ALPK3: variants seen among roughly 807,000 people sequenced by gnomAD.
The protein encoded by ALPK3 is alpha kinase 3, also known as alpha-protein kinase 3.
In ALPK3, 102 loss-of-function variants were observed where a neutral mutation model predicts 140.0. The ratio of observed to expected loss-of-function variants is 0.73; its 90% confidence interval spans 0.62 to 0.86. The LOEUF is 0.86. Among genes scored for constraint, ALPK3 ranks in the 40% least tolerant of loss-of-function variants. The pLI, the probability that ALPK3 is intolerant of heterozygous loss-of-function variation, is 0.00. For synonymous variants in ALPK3, 938 were observed against 898.5 expected (o/e 1.04, Z -0.79); for missense variants, 2,254 against 2,208.2 (o/e 1.02, Z -0.42).
rs1963445069 is a variant in ALPK3 at position 84,823,025 on chromosome 15, T to TG, written c.144-300dup. Among the ~76,000 whole-genome samples, 6 of 152,350 alleles carry TG rather than the reference T, an allele frequency of 3.9e-5. No homozygotes were observed. In the Middle Eastern group the frequency reaches 0.017, roughly 432 times the overall value. Reference sequence around the variant, plus strand: ...GCCAGGCAGCTGTAAGCCTCCCTCTTGGGGGCAGTGACCCAAATGCCTGGG... The same window carrying TG: ...GCCAGGCAGCTGTAAGCCTCCCTCTTGGGGGGCAGTGACCCAAATGCCTGGG... On this transcript the variant is annotated intron_variant, in intron 1 of 13. Transcript: ENST00000258888.
At chr15:84,848,469 A>G (rs1040185120) in intron 5 of ALPK3, among the ~76,000 whole-genome samples, 6 of 152,198 alleles carry the variant, frequency 3.9e-5, no homozygotes, top group Non-Finnish European at 8.8e-5. Context: ...ACAAAGAGAT[A>G]TAGTAAAAAT....
In ALPK3 at chr15:84,862,818, C is replaced by G. The variant is rs775335205; in HGVS notation, c.4313C>G (p.Ser1438Trp). 5.0e-6 allele frequency: 8 copies of G among 1,614,036 alleles called. No individual in the cohort carries two copies. The African/African-American group carries it at 9.3e-5, about 19-fold the overall frequency. The change falls in exon 10 of 14, where the codon TCG (serine) becomes TGG (tryptophan). Residue 1438 changes from serine (S) to tryptophan (W), a missense_variant. By Grantham distance (177) the Ser-to-Trp change is radical (BLOSUM62 -3). Coordinates refer to ENST00000258888, the MANE Select transcript of ALPK3 (RefSeq NM_020778.5). ...TACGGGCTGGAACCCATCTTCGAGTCGGGCCGCACGTGCATCATCAAGGTG... is the reference window on the plus strand; with the variant it reads ...TACGGGCTGGAACCCATCTTCGAGTGGGGCCGCACGTGCATCATCAAGGTG... ...VIYGLEPIFE[S>W]GRTCIIKVSS...
At position 84,862,823 on chromosome 15, in the gene ALPK3, C is replaced by T. The variant is rs200672174; in HGVS notation, c.4318C>T (p.Arg1440Cys). 2.7e-5 allele frequency: 44 copies of T among 1,614,144 alleles called. 1 individual carries two copies. In the Middle Eastern group the frequency reaches 4.9e-4, roughly 18 times the overall value. The change falls in exon 10 of 14, where the codon CGC (arginine) becomes TGC (cysteine). Residue 1440 changes from arginine to cysteine, a missense_variant. Arg to Cys is a radical substitution (Grantham distance 180, BLOSUM62 -3). Around this residue, in one of 3 missense-constraint regions of ALPK3, gnomAD observed 2,088 missense variants for 2,022.9 expected, o/e 1.03. Transcript: ENST00000258888. ...YGLEPIFESG[R>C]TCIIKVSSLL... ...GCTGGAACCCATCTTCGAGTCGGGC[C>T]GCACGTGCATCATCAAGGTGTCCAG...
chr15:84,840,256 G>T lies in ALPK3; in HGVS notation c.977G>T (p.Gly326Val). 6.2e-7 allele frequency: 1 copy of T among 1,613,800 alleles called. No homozygotes were observed. ...AAGAAAGATGAGGAATCCAAGCAAG[G>T]CCTGCGGAAGCCAGAGTTAGAGAAG... Reference protein sequence around the residue: ...KKKKDEESKQGLRKPELEKAA... With the variant: ...KKKKDEESKQVLRKPELEKAA... The change falls in exon 5 of 14, where the codon GGC becomes GTC. Residue 326 changes from glycine to valine, a missense_variant. Gly to Val is a moderately radical substitution (Grantham distance 109). Transcript: ENST00000258888.
rs906235775 is a variant in ALPK3 at position 84,866,919 on chromosome 15, C to G, written c.4724-398C>G. ...TTGCATAGCTGGAAGAGTTTTGGCT[C>G]TAGGAATCCAAAAAAACGGAACCCT... On this transcript the variant is annotated intron_variant, in intron 12 of 13. Coordinates refer to ENST00000258888, the MANE Select transcript of ALPK3 (RefSeq NM_020778.5). Among the ~76,000 whole-genome samples the G allele has an allele frequency of 2.0e-5, 3 of 152,234 alleles. No individual in the cohort carries two copies. In the South Asian group the frequency reaches 6.2e-4, roughly 32 times the overall value.
intron 5 of ALPK3, among the ~76,000 whole-genome samples, chr15:84,843,524 T>C (rs1963690997): frequency 6.6e-6 from 1 of 152,100 alleles, no homozygotes; most frequent in African/African-American, 2.4e-5. Context: ...ACTCTGAAGG[T>C]TTGTACCCTA....
chr15:84,845,059 A>G (rs989502909), intron 5 of ALPK3, among the ~76,000 whole-genome samples: 4 of 152,244 alleles, frequency 2.6e-5, no homozygotes, highest in African/African-American at 7.2e-5. Flanking sequence ...GACAACTTTG[A>G]AAAGCAAATA....
chr15:84,840,754 C>G lies in ALPK3; in HGVS notation c.1475C>G (p.Ala492Gly). 6.2e-7 allele frequency: 1 copy of G among 1,614,168 alleles called. No homozygotes were observed. The highest frequency in any genetic ancestry group is 8.5e-7 in the Non-Finnish European group (1 of 1,179,998). ...GCCCCTCCAAAGCCCAAAGGAGAGG[C>G]CACCACTGACAGCAAGCCCATTTCT... Reference protein sequence around the residue: ...RFAPPKPKGEATTDSKPISSL... With the variant: ...RFAPPKPKGEGTTDSKPISSL... Residue 492 changes from alanine (A) to glycine (G), a missense_variant, in exon 5 of 14, where the codon GCC becomes GGC. Around this residue, in one of 3 missense-constraint regions of ALPK3, gnomAD observed 2,088 missense variants for 2,022.9 expected, o/e 1.03. Coordinates refer to ENST00000258888, the MANE Select transcript of ALPK3 (RefSeq NM_020778.5).
rs55721004 is a variant in ALPK3 at position 84,858,440 on chromosome 15, G to A, written c.3702G>A (p.Ala1234=). The change falls in exon 6 of 14, where the codon GCG becomes GCA. Residue 1234 remains alanine (A), a synonymous_variant. Coordinates refer to ENST00000258888, the MANE Select transcript of ALPK3 (RefSeq NM_020778.5). ...LEVPRAEEEL[A]AGDLGPSPKA... is the part of the protein sequence containing the mutation. ...TGCCTCGGGCAGAGGAGGAGCTGGC[G>A]GCAGGAGACCTGGGCCCCAGCCCCA... 4.9e-4 allele frequency: 760 copies of A among 1,565,312 alleles called. No individual in the cohort carries two copies. The highest frequency in any genetic ancestry group is 8.8e-4 in the East Asian group (38 of 43,082).
chr15:84,868,218 GC>G lies in ALPK3; in HGVS notation c.4883del (p.Pro1628ArgfsTer25). On this transcript the variant is annotated frameshift_variant, in exon 14 of 14. Transcript: ENST00000258888. LOFTEE classifies it high-confidence loss of function. The part of the protein sequence containing the change: ...CELLGLTPLK[G>X]PEAAHPQAKA... ...CTGCTGGGGCTGACACCTCTCAAGGGCCCGGAGGCGGCCCACCCCCAAGCCA... is the reference window on the plus strand; with the variant it reads ...CTGCTGGGGCTGACACCTCTCAAGGGCCGGAGGCGGCCCACCCCCAAGCCA... The G allele has an allele frequency of 6.2e-7, 1 of 1,614,190 alleles. No homozygotes were observed. The highest frequency in any genetic ancestry group is 8.5e-7 in the Non-Finnish European group (1 of 1,180,032).
Position 84,857,494 on chromosome 15 carries a change from C to T in ALPK3, c.2756C>T (p.Pro919Leu). The T allele has an allele frequency of 6.2e-7, 1 of 1,603,224 alleles. No homozygotes were observed. Among genetic ancestry groups the T allele is most frequent in the Non-Finnish European group, 8.5e-7 (1 of 1,173,696 alleles). The stretch of plus-strand genomic sequence containing the variant: ...ACACTGCACCTGGGGCTGGGGACCC[C>T]CACTCAGAGTCACCCACCAGAAACC... ...APTLHLGLGT[P>L]TQSHPPETMA... Residue 919 changes from proline (P) to leucine (L), a missense_variant, in exon 6 of 14, where the codon CCC becomes CTC. By Grantham distance (98) the Pro-to-Leu change is moderately conservative. This residue lies in a region of ALPK3 where 2,088 missense variants were observed against 2,022.9 expected (regional missense o/e 1.03). Transcript: ENST00000258888.
intron 12 of ALPK3, 118 bp downstream of exon 12, chr15:84,864,783 T>C: frequency 1.8e-6 from 2 of 1,140,270 alleles, no homozygotes; most frequent in South Asian, 1.6e-5. Flanking sequence ...TTATTCTTTT[T>C]TGCTTTTCAC....
chr15:84,848,181 A>G (rs1224131583), intron 5 of ALPK3, among the ~76,000 whole-genome samples: 2 of 152,158 alleles, frequency 1.3e-5, no homozygotes, highest in Non-Finnish European at 2.9e-5. Context: ...GAAATGGTAA[A>G]TATCCTGGTA....
intron 9 of ALPK3, among the ~76,000 whole-genome samples, chr15:84,860,570 C>T (rs1963931788): frequency 6.6e-6 from 1 of 152,168 alleles, no homozygotes; most frequent in African/African-American, 2.4e-5. Context: ...TTGAAGGGCT[C>T]AAATAGGGAT....
chr15:84,840,437 C>T lies in ALPK3; in HGVS notation c.1158C>T (p.Thr386=), dbSNP rs546889222. The T allele has an allele frequency of 1.9e-6, 3 of 1,613,762 alleles. No homozygotes were observed. The highest frequency in any genetic ancestry group is 2.7e-5 in the African/African-American group (2 of 75,050). ...CTGGGTCCTCTGGCACAGATAGTAC[C>T]AGGAAGCCAGCCTCTGCTGTGGGCA... is the stretch of plus-strand genomic sequence containing the variant. ...RGPGSSGTDS[T]RKPASAVGTP... Residue 386 remains threonine, a synonymous_variant, in exon 5 of 14, where the codon ACC becomes ACT. Transcript: ENST00000258888.
intron 3 of ALPK3, among the ~76,000 whole-genome samples, chr15:84,837,681 G>A (rs1963610702): frequency 6.6e-6 from 1 of 152,206 alleles, no homozygotes; most frequent in Admixed American, 6.5e-5. Context: ...TAAGTCCAGA[G>A]GGGCTTCTTA....
intron 5 of ALPK3, among the ~76,000 whole-genome samples, chr15:84,848,931 C>T (rs753017540): frequency 2.6e-5 from 4 of 152,138 alleles, no homozygotes; most frequent in Admixed American, 1.3e-4. Context: ...CACCTGAGGT[C>T]GGGAGTTCGA....
chr15:84,870,918 C>T lies in ALPK3; in HGVS notation c.*2462C>T, dbSNP rs890549867. The T allele has an allele frequency of 1.3e-5, 2 of 152,202 alleles. No individual in the cohort carries two copies. Among genetic ancestry groups the T allele is most frequent in the African/African-American group, 4.8e-5 (2 of 41,420 alleles). The allele number at this position is 152,202 out of a possible 1,614,324, so 9.4% of individuals were successfully genotyped here. ...CGTATGACGACTCTCCCACAGGTAA[C>T]CAAAACCACATTTCTCTCTGCTTAG... On this transcript the variant is annotated 3_prime_UTR_variant, in exon 14 of 14. Coordinates refer to ENST00000258888, the MANE Select transcript of ALPK3 (RefSeq NM_020778.5).
chr15:84,857,151 C>T lies in ALPK3; in HGVS notation c.2413C>T (p.Pro805Ser), dbSNP rs1385664383. ...SGNLMLPAQP[P>S]HEGSVEQVGG... ...GAACCTCATGCTCCCAGCACAGCCG[C>T]CCCATGAGGGGAGTGTGGAGCAGGT... The change falls in exon 6 of 14, where the codon CCC (proline) becomes TCC (serine). Residue 805 changes from proline to serine, a missense_variant. Transcript: ENST00000258888. 2 of 1,614,144 alleles carry T rather than the reference C, an allele frequency of 1.2e-6. No individual in the cohort carries two copies. Among genetic ancestry groups the T allele is most frequent in the East Asian group, 2.2e-5 (1 of 44,872 alleles).
Sources: allele counts gnomAD v4.1 joint callset (sites outside exome capture counted in the v4.1 genomes callset), GRCh38; gene constraint gnomAD v4.1.1; regional missense constraint gnomAD v4.1.1; transcripts MANE v1.5; gene names NCBI Gene and HGNC (gene_info 2026-07-23, HGNC 2026-07-21).